The following SLC35D1 variants were observed in gnomAD, a reference collection of about 807,000 sequenced individuals.
SLC35D1 encodes the protein nucleotide sugar transporter SLC35D1.
In SLC35D1, 31 loss-of-function variants were observed where a neutral mutation model predicts 46.7. The ratio of observed to expected loss-of-function variants is 0.66; its 90% CI spans 0.50 to 0.90. SLC35D1 has a LOEUF of 0.90. Ranked by LOEUF, SLC35D1 falls within the 40% of genes least tolerant of loss-of-function variation. The pLI is 0.00. For missense variants in SLC35D1, 397 were observed against 426.2 expected (o/e 0.93, Z 0.60); for synonymous variants, 195 against 164.6 (o/e 1.18, Z -1.41).
At chr1:66,980,043 C>T in the SLC35D1 span, among the ~76,000 whole-genome samples, 1 of 152,196 alleles carries the variant, frequency 6.6e-6, no homozygotes, top group Non-Finnish European at 1.5e-5. Context: ...GGATGACAGG[C>T]GTGAGCCACC....
Position 67,052,798 on chromosome 1 carries a change from A to G in SLC35D1, c.297T>C (p.Pro99=), listed in dbSNP as rs371868604. ...VGKALRVVKF[P]DLDRNVPRKT... The stretch of plus-strand genomic sequence containing the variant: ...TTCGAGGTACATTTCTGTCAAGGTC[A>G]GGAAACTTGACTACTCTGAGCGCCT... The change falls in exon 3 of 12, where the codon CCT becomes CCC. Residue 99 remains proline, a synonymous_variant. Coordinates refer to ENST00000235345, the MANE Select transcript of SLC35D1 (RefSeq NM_015139.3). 3.1e-6 allele frequency: 5 copies of G among 1,614,080 alleles called. No homozygotes were observed. The African/African-American group carries it at 6.7e-5, about 22-fold the overall frequency.
At chr1:67,032,609 A>G (rs1343007625) in intron 8 of SLC35D1, among the ~76,000 whole-genome samples, 1 of 152,134 alleles carries the variant, frequency 6.6e-6, no homozygotes, top group Non-Finnish European at 1.5e-5. Context: ...TGAACCCAGG[A>G]GGCAGAGGTT....
downstream of SLC35D1, among the ~76,000 whole-genome samples, chr1:66,994,420 G>A (rs1667217314): frequency 1.3e-5 from 2 of 152,114 alleles, no homozygotes; most frequent in South Asian, 4.2e-4. Flanking sequence ...CGAGGCGGGT[G>A]ATCACTTGAG....
chr1:66,981,722 A>T, the SLC35D1 span: 2 of 1,412,516 alleles, frequency 1.4e-6, no homozygotes, highest in Non-Finnish European at 1.9e-6. Flanking sequence ...ATTTAACCTC[A>T]ACTAATTTTT....
At position 67,002,096 on chromosome 1, in the gene SLC35D1, T is replaced by C. The variant is rs768837185; in HGVS notation, c.*2244A>G. The C allele has an allele frequency of 6.6e-6, 1 of 152,346 alleles. No homozygotes were observed. Among genetic ancestry groups the C allele is most frequent in the Non-Finnish European group, 1.5e-5 (1 of 68,056 alleles). The allele number at this position is 152,346 out of a possible 1,614,324, so 9.4% of individuals were successfully genotyped here. A position where few individuals can be genotyped will look rare whatever the true frequency, so the allele number is the denominator to read the frequency against. ...AAGAAATATTCTACAACAAAAATTATTCAAACGTCCCTCCTTCATGTTGCT... is the reference window on the plus strand; with the variant it reads ...AAGAAATATTCTACAACAAAAATTACTCAAACGTCCCTCCTTCATGTTGCT... On this transcript the variant is annotated 3_prime_UTR_variant, in exon 12 of 12. Transcript: ENST00000235345.
downstream of SLC35D1, among the ~76,000 whole-genome samples, chr1:66,997,824 TA>T (rs200242213): frequency 6.8e-6 from 1 of 147,724 alleles, no homozygotes; most frequent in Non-Finnish European, 1.5e-5. Context: ...ATGTTACTGT[TA>T]AAAAAATATA....
At chr1:67,005,668 G>A (rs1322957010) in intron 11 of SLC35D1, among the ~76,000 whole-genome samples, 1 of 152,136 alleles carries the variant, frequency 6.6e-6, no homozygotes, top group African/African-American at 2.4e-5. Context: ...CCTCCAAGGT[G>A]TCCATTTTAT....
chr1:66,990,841 T>G, the SLC35D1 span, among the ~76,000 whole-genome samples: 9 of 150,390 alleles, frequency 6.0e-5, no homozygotes, highest in Non-Finnish European at 1.2e-4. Context: ...TTTGCATGAC[T>G]ATTTCCCCCT....
At chr1:67,044,437 G>A (rs1221497395) in intron 7 of SLC35D1, among the ~76,000 whole-genome samples, 1 of 152,084 alleles carries the variant, frequency 6.6e-6, no homozygotes, top group African/African-American at 2.4e-5. Context: ...GTTTAATGAT[G>A]CTGATTGACA....
Position 67,008,620 on chromosome 1 carries a change from G to A in SLC35D1, c.959+465C>T, listed in dbSNP as rs533059078. Among the ~76,000 whole-genome samples, 7 of 152,242 alleles carry A rather than the reference G, an allele frequency of 4.6e-5. No homozygotes were observed. The East Asian group carries it at 1.4e-3, about 29-fold the overall frequency. On this transcript the variant is annotated intron_variant, in intron 11 of 11. Coordinates refer to ENST00000235345, the MANE Select transcript of SLC35D1 (RefSeq NM_015139.3). ...GATCTTCAAAAGCAAGGCAAACACA[G>A]TCTACTTCTCCTAAACCTACAGTCA...
chr1:67,004,109 T>C lies in SLC35D1; in HGVS notation c.*231A>G, dbSNP rs1667396851. 4.1e-6 allele frequency: 2 copies of C among 482,508 alleles called. No homozygotes were observed. Among genetic ancestry groups the C allele is most frequent in the Non-Finnish European group, 7.6e-6 (2 of 264,220 alleles). The allele number at this position is 482,508 out of a possible 1,614,324, so 29.9% of individuals were successfully genotyped here. A position where few individuals can be genotyped will look rare whatever the true frequency, so the allele number is the denominator to read the frequency against. ...AAAATAAATTAAAAAGCCCAGTACC[T>C]TTTCCAGTCTGATATAAATTAATTC... On this transcript the variant is annotated 3_prime_UTR_variant, in exon 12 of 12. Transcript: ENST00000235345.
chr1:66,978,209 A>AAAAAG, the SLC35D1 span, among the ~76,000 whole-genome samples: 553 of 149,566 alleles, frequency 3.7e-3, 3 homozygotes, highest in African/African-American at 0.012. Flanking sequence ...AAAAAAAAAA[A>AAAAAG]AAAGATGTGC....
chr1:66,985,668 A>G, the SLC35D1 span: 1 of 985,062 alleles, frequency 1.0e-6, no homozygotes, highest in Non-Finnish European at 1.2e-6. Context: ...CAGTTGGTAA[A>G]CTTTTATGAG....
At chr1:67,047,410 T>C (rs377614695) in intron 6 of SLC35D1, 43 bp from the exon 7 acceptor site, 14 of 1,483,716 alleles carry the variant, frequency 9.4e-6, no homozygotes, top group South Asian at 9.1e-5. Context: ...TTAAAGAACA[T>C]GCATTTAATT....
intron 7 of SLC35D1, 52 bp from the exon 8 acceptor site, chr1:67,042,380 C>G (rs1645199520): frequency 6.9e-7 from 1 of 1,458,574 alleles, no homozygotes; most frequent in South Asian, 1.1e-5. Flanking sequence ...CTAGCAGATA[C>G]AACACTGTAC....
intron 11 of SLC35D1, among the ~76,000 whole-genome samples, chr1:67,006,683 G>A (rs1667453763): frequency 1.8e-5 from 1 of 55,938 alleles, no homozygotes; most frequent in South Asian, 9.5e-4. Flanking sequence ...AGCATAGTCA[G>A]TGTATTGGAA....
intron 10 of SLC35D1, among the ~76,000 whole-genome samples, chr1:67,018,702 G>C (rs189452481): frequency 2.6e-5 from 4 of 152,268 alleles, no homozygotes; most frequent in Admixed American, 2.6e-4. Flanking sequence ...AAGAGAAAAA[G>C]GAATGCTGAC....
the SLC35D1 span, chr1:66,984,552 T>A: frequency 6.5e-7 from 1 of 1,527,762 alleles, no homozygotes; most frequent in Admixed American, 2.2e-5. Context: ...GTGGTTTCAT[T>A]TATATTTCTT....
At chr1:66,994,423 C>T (rs913671895), downstream of SLC35D1, among the ~76,000 whole-genome samples, 4 of 152,058 alleles carry the variant, frequency 2.6e-5, no homozygotes, top group African/African-American at 9.7e-5. Context: ...GGCGGGTGAT[C>T]ACTTGAGGTC....
Sources: allele counts gnomAD v4.1 joint callset (sites outside exome capture counted in the v4.1 genomes callset), GRCh38; gene constraint gnomAD v4.1.1; transcripts MANE v1.5; gene names NCBI Gene and HGNC (gene_info 2026-07-23, HGNC 2026-07-21).